CES4A: variants seen among roughly 807,000 people sequenced by gnomAD.
CES4A encodes carboxylesterase 6.
CES4A carries 48 observed loss-of-function variants against 65.4 expected under a neutral mutation model. The ratio of observed to expected loss-of-function variants is 0.73; its 90% CI spans 0.58 to 0.93. CES4A has a LOEUF of 0.93. CES4A is among the 40% of genes least tolerant of loss of function. The probability of loss-of-function intolerance (pLI) is 0.00; values close to 1 mark genes in which losing one functional copy is unlikely to be tolerated. For missense variants in CES4A, 685 were observed against 728.5 expected (o/e 0.94, Z 0.69); for synonymous variants, 247 against 281.8 (o/e 0.88, Z 1.24).
At chr16:66,993,274 C>T (rs1361681746) in intron 1 of CES4A, among the ~76,000 whole-genome samples, 1 of 152,184 alleles carries the variant, frequency 6.6e-6, no homozygotes, top group Non-Finnish European at 1.5e-5. Context: ...TACAACTGCA[C>T]TTGTACGCAT....
rs1432389356 is a variant in CES4A, at chr16:67,006,897, GC to G, written c.1517+84del. ...AAGAAGCCAGCTGCTTCGGATATTT[GC>G]CCCAGCATGTCCTACAGGAACTGCC... On this transcript the variant is annotated intron_variant, in intron 13 of 13. Transcript: ENST00000648724. 7.3e-6 allele frequency: 10 copies of G among 1,367,276 alleles called. No homozygotes were observed. In the African/African-American group the frequency reaches 1.0e-4, roughly 14 times the overall value. 84.7% of individuals were successfully genotyped at this position (1,367,276 alleles called of 1,614,324 possible). A position where few individuals can be genotyped will look rare whatever the true frequency, so the allele number is the denominator to read the frequency against.
chr16:66,993,706 T>G (rs781488399), intron 1 of CES4A, among the ~76,000 whole-genome samples: 1 of 152,216 alleles, frequency 6.6e-6, no homozygotes, highest in Admixed American at 6.5e-5. Context: ...TAAATTAGCA[T>G]GTACATGTGA....
rs1241026991 is a variant in CES4A at position 67,001,508 on chromosome 16, G to A, written c.690+47G>A. 1 of 1,541,094 alleles carries A rather than the reference G, an allele frequency of 6.5e-7. No individual in the cohort carries two copies. Among genetic ancestry groups the A allele is most frequent in the Non-Finnish European group, 8.7e-7 (1 of 1,143,334 alleles). On this transcript the variant is annotated intron_variant, in intron 5 of 13. Coordinates refer to ENST00000648724, the Ensembl canonical transcript of CES4A. The surrounding 1 kb of genome is among the most constrained non-coding windows in gnomAD (Gnocchi z 4.1). ...ACCGAGCACAGACTTAGGCTCCTGC[G>A]TTCCCACAAATGTATGCTCCACTGC...
At chr16:66,992,142 G>C (rs191109887) in intron 1 of CES4A, among the ~76,000 whole-genome samples, 1 of 152,214 alleles carries the variant, frequency 6.6e-6, no homozygotes, top group East Asian at 1.9e-4. Flanking sequence ...CTGCAGGCTG[G>C]TCACGGCCCC....
At chr16:67,002,995 C>T in intron 5 of CES4A, 75 bp from the exon 6 acceptor site, 2 of 1,305,194 alleles carry the variant, frequency 1.5e-6, no homozygotes, top group Non-Finnish European at 1.1e-6. Flanking sequence ...CTGCCCATGG[C>T]CAGACAGATG....
At chr16:66,997,237 C>T (rs774032553) in intron 2 of CES4A, among the ~76,000 whole-genome samples, 1 of 152,102 alleles carries the variant, frequency 6.6e-6, no homozygotes, top group South Asian at 2.1e-4. Context: ...ATGGGATGGC[C>T]ACTGTTAGAA....
chr16:66,992,738 A>C (rs1156862812), intron 1 of CES4A, among the ~76,000 whole-genome samples: 1 of 152,076 alleles, frequency 6.6e-6, no homozygotes, highest in Non-Finnish European at 1.5e-5. Context: ...TGGAGTATAG[A>C]GTGATCTCTG....
intron 1 of CES4A, among the ~76,000 whole-genome samples, chr16:66,992,350 A>G (rs995131464): frequency 6.6e-6 from 1 of 152,212 alleles, no homozygotes; most frequent in Non-Finnish European, 1.5e-5. Context: ...TGAGACCTGT[A>G]GAGACCTGGG....
chr16:66,995,517 C>T (rs945187341), intron 1 of CES4A, 111 bp from the exon 2 acceptor site: 4 of 888,636 alleles, frequency 4.5e-6, no homozygotes, highest in Admixed American at 3.9e-5. Context: ...TGACCCTTTT[C>T]CCCTCTCTTT....
exon 1 of CES4A, chr16:66,988,655 G>C: frequency 6.6e-7 from 1 of 1,518,756 alleles, no homozygotes; most frequent in Non-Finnish European, 8.8e-7. Context: ...TTGCTGGCAG[G>C]GATTAAGAGC....
At chr16:67,009,077 A>G in exon 14 of CES4A, 1 of 1,614,160 alleles carries the variant, frequency 6.2e-7, no homozygotes, top group African/African-American at 1.3e-5. Context: ...GCTCAAGGAG[A>G]AGAAGATGGC....
At chr16:66,988,651 G>T (rs1212165960) in exon 1 of CES4A, 1 of 1,512,458 alleles carries the variant, frequency 6.6e-7, no homozygotes, top group Non-Finnish European at 8.9e-7. Context: ...GTACTTGCTG[G>T]CAGGGATTAA....
chr16:66,988,702 C>T, exon 1 of CES4A: 3 of 1,549,904 alleles, frequency 1.9e-6, no homozygotes, highest in Non-Finnish European at 8.7e-7. Flanking sequence ...GACACGGCTA[C>T]CATGCCATCC....
In CES4A at chr16:67,000,698, C is replaced by T; in HGVS notation, c.321C>T (p.Tyr107=). The change falls in exon 3 of 14, where the codon TAC becomes TAT. Residue 107 remains tyrosine (Y), a synonymous_variant. Transcript: ENST00000648724. This position sits in a 1 kb window ranked among gnomAD's most constrained non-coding sequence, Gnocchi z 4.2. ...TGTACGTCAGCACGCGGGAACGGTA[C>T]AAGTGGCTGCGCTTCAGCGAGGACT... 6.4e-7 allele frequency: 1 copy of T among 1,550,628 alleles called. No individual in the cohort carries two copies. Among genetic ancestry groups the T allele is most frequent in the Non-Finnish European group, 8.7e-7 (1 of 1,147,424 alleles).
chr16:66,995,535 C>G (rs1470238993), intron 1 of CES4A, 93 bp from the exon 2 acceptor site: 14 of 1,059,748 alleles, frequency 1.3e-5, no homozygotes, highest in Non-Finnish European at 1.9e-5. Flanking sequence ...TTTCCAGGTG[C>G]CTTGGTCCCA....
intron 1 of CES4A, among the ~76,000 whole-genome samples, chr16:66,992,998 G>C (rs546207827): frequency 6.6e-6 from 1 of 152,180 alleles, no homozygotes; most frequent in Admixed American, 6.5e-5. Flanking sequence ...ATTCGGTTTT[G>C]ATAAAAGGAG....
In CES4A at chr16:67,000,654, T is replaced by TG; in HGVS notation, c.281dup (p.Gln95ProfsTer62). 6.5e-7 allele frequency: 1 copy of TG among 1,548,814 alleles called. No homozygotes were observed. On this transcript the variant is annotated frameshift_variant, in exon 3 of 14. Coordinates refer to ENST00000648724, the Ensembl canonical transcript of CES4A. LOFTEE classifies it high-confidence loss of function. The surrounding 1 kb of genome is among the most constrained non-coding windows in gnomAD (Gnocchi z 4.2). Reference sequence around the variant, plus strand: ...TGCCCGCAGGTGCCTGCAGGAGTCCTGGGGCCAGCTGGCCTCGATGTACGT... The same window carrying TG: ...TGCCCGCAGGTGCCTGCAGGAGTCCTGGGGGCCAGCTGGCCTCGATGTACGT...
chr16:66,999,150 T>C (rs1253730614), intron 2 of CES4A, among the ~76,000 whole-genome samples: 4 of 152,166 alleles, frequency 2.6e-5, no homozygotes, highest in Admixed American at 1.3e-4. Context: ...GTTGGAATGC[T>C]GTAGGGAAGG....
chr16:67,007,581 C>T (rs1965866309), intron 13 of CES4A: 1 of 151,890 alleles, frequency 6.6e-6, no homozygotes, highest in South Asian at 2.1e-4. Context: ...CCTTTCAAAT[C>T]ATCCTCCTTA....
Sources: gnomAD v4.1 joint callset for allele counts (sites outside exome capture counted in the v4.1 genomes callset) on GRCh38, gnomAD v4.1.1 for gene constraint, Gnocchi (gnomAD v3.1) non-coding constraint, MANE v1.5 for transcripts, NCBI Gene and HGNC (gene_info 2026-07-23, HGNC 2026-07-21) for gene names.